FRYL: variants seen among roughly 807,000 people sequenced by gnomAD.
FRYL encodes the protein protein furry homolog-like.
In FRYL, 150 loss-of-function variants were observed where a neutral mutation model predicts 351.2. That is an observed-to-expected ratio of 0.43 (90% CI 0.37 to 0.49). FRYL has a LOEUF of 0.49. Among genes scored for constraint, FRYL ranks in the 20% least tolerant of loss-of-function variants. FRYL has a pLI of 0.00. For missense variants in FRYL, 3,036 were observed against 3,619.3 expected, an observed-to-expected ratio of 0.84 and a Z score of 4.13; for synonymous variants, 1,153 against 1,257.1, an observed-to-expected ratio of 0.92 and a Z score of 1.75.
intron 3 of FRYL, among the ~76,000 whole-genome samples, chr4:48,682,282 T>G (rs2149542773): frequency 6.6e-6 from 1 of 152,216 alleles, no homozygotes. Context: ...CTAGATGGAT[T>G]AAAGACTTAA....
Position 48,581,592 on chromosome 4 carries a change from T to C in FRYL, c.2000A>G (p.Asn667Ser), listed in dbSNP as rs1349912609. Residue 667 changes from asparagine to serine, a missense_variant, in exon 21 of 64, where the codon AAT (asparagine) becomes AGT (serine). This residue lies in a region of FRYL where 492 missense variants were observed against 551.5 expected (regional missense o/e 0.89). Transcript: ENST00000358350. ...KNQDTQHGVA[N>S]GASHPPPLER... ...CAGAGGAGGGGGATGAGAAGCTCCATTAGCTACACCATGCTTGAAAAACAG... is the reference window on the plus strand; with the variant it reads ...CAGAGGAGGGGGATGAGAAGCTCCACTAGCTACACCATGCTTGAAAAACAG... 5 of 1,606,022 alleles carry C rather than the reference T, an allele frequency of 3.1e-6. No individual in the cohort carries two copies. In the Admixed American group the frequency reaches 5.2e-5, roughly 17 times the overall value.
intron 1 of FRYL, among the ~76,000 whole-genome samples, chr4:48,778,303 T>C (rs527771161): frequency 4.0e-4 from 61 of 150,944 alleles, no homozygotes; most frequent in African/African-American, 1.4e-3. Flanking sequence ...AATTAATCGA[T>C]GAACGCTTTA....
At chr4:48,685,919 A>C (rs1377841343) in intron 2 of FRYL, among the ~76,000 whole-genome samples, 1 of 151,944 alleles carries the variant, frequency 6.6e-6, no homozygotes, top group Non-Finnish European at 1.5e-5. Flanking sequence ...ACGCCCGGCT[A>C]ATTTTTTGTA....
chr4:48,552,259 G>GTGTGTGTGTGTGTGTGTGTGTT (rs1733012801), intron 36 of FRYL, among the ~76,000 whole-genome samples: 7 of 134,272 alleles, frequency 5.2e-5, no homozygotes, highest in African/African-American at 1.7e-4. Context: ...GTGTGTGTGT[G>GTGTGTGTGTGTGTGTGTGTGTT]TGTGTGTGTG....
At chr4:48,652,567 G>T (rs1363690220) in intron 3 of FRYL, among the ~76,000 whole-genome samples, 1 of 152,036 alleles carries the variant, frequency 6.6e-6, no homozygotes, top group Non-Finnish European at 1.5e-5. Flanking sequence ...ATCTCCATAT[G>T]GAAGAATTAC....
At chr4:48,513,954 T>C (rs1007002905) in intron 56 of FRYL, among the ~76,000 whole-genome samples, 21 of 152,198 alleles carry the variant, frequency 1.4e-4, no homozygotes, top group South Asian at 2.1e-4. Context: ...TGATTAATGA[T>C]TGAGTGGTTG....
intron 46 of FRYL, 108 bp downstream of exon 46, chr4:48,540,245 A>T: frequency 7.5e-7 from 1 of 1,331,304 alleles, no homozygotes; most frequent in Non-Finnish European, 1.0e-6. Flanking sequence ...GCGTATAAAA[A>T]CTATGACTAT....
chr4:48,611,014 A>G (rs1748067168), intron 7 of FRYL, among the ~76,000 whole-genome samples: 1 of 151,830 alleles, frequency 6.6e-6, no homozygotes, highest in Admixed American at 6.6e-5. Flanking sequence ...ACTCTGAAAG[A>G]AGGAACTGCT....
At chr4:48,574,102 C>T (rs532641755) in intron 25 of FRYL, among the ~76,000 whole-genome samples, 2 of 152,022 alleles carry the variant, frequency 1.3e-5, no homozygotes, top group East Asian at 3.9e-4. Context: ...AGGGTATGAA[C>T]TTTGTAAAAA....
chr4:48,552,527 TG>T (rs1251267206), intron 36 of FRYL, among the ~76,000 whole-genome samples: 3 of 152,090 alleles, frequency 2.0e-5, no homozygotes, highest in Admixed American at 6.5e-5. Flanking sequence ...AAAACAGCAA[TG>T]TAGAGAAAAT....
chr4:48,589,795 C>G lies in FRYL; in HGVS notation c.1590G>C (p.Met530Ile), dbSNP rs1742871538. 6.2e-7 allele frequency: 1 copy of G among 1,613,810 alleles called. No individual in the cohort carries two copies. Among genetic ancestry groups the G allele is most frequent in the African/African-American group, 1.3e-5 (1 of 75,056 alleles). The part of the protein sequence containing the change: ...RHLDKEVGRP[M>I]CMTSVQMSNK... ...TAGACATCTGCACACTGGTCATACA[C>G]ATTGGTCTCCCAACTTCTTTGTCCA... is the stretch of plus-strand genomic sequence containing the variant. Residue 530 changes from methionine (M) to isoleucine (I), a missense_variant, in exon 18 of 64, where the codon ATG becomes ATC. By Grantham distance (10) the Met-to-Ile change is conservative. This residue lies in a region of FRYL where 78 missense variants were observed against 106.6 expected (regional missense o/e 0.73). Coordinates refer to ENST00000358350, the MANE Select transcript of FRYL (RefSeq NM_015030.2).
chr4:48,607,629 A>C (rs1011379787), intron 9 of FRYL, among the ~76,000 whole-genome samples: 6 of 151,788 alleles, frequency 4.0e-5, no homozygotes, highest in Non-Finnish European at 5.9e-5. Context: ...TCTCTTCCCC[A>C]CTCCCACTCA....
intron 4 of FRYL, among the ~76,000 whole-genome samples, chr4:48,630,148 C>A (rs1413215414): frequency 2.6e-5 from 4 of 151,978 alleles, no homozygotes; most frequent in Non-Finnish European, 5.9e-5. Flanking sequence ...TCTGACAAGT[C>A]CCCCAAAAAA....
chr4:48,779,300 A>T (rs982757006), intron 1 of FRYL, among the ~76,000 whole-genome samples: 4 of 152,186 alleles, frequency 2.6e-5, no homozygotes, highest in Non-Finnish European at 5.9e-5. Context: ...TGAGAGCAGC[A>T]GGCAATCTAC....
At chr4:48,680,755 C>T (rs541927871) in intron 3 of FRYL, among the ~76,000 whole-genome samples, 2 of 152,140 alleles carry the variant, frequency 1.3e-5, no homozygotes, top group South Asian at 2.1e-4. Context: ...TCCAGCTATA[C>T]TTGAAGAAAA....
rs918943502 is a variant in FRYL, at chr4:48,721,358, T to A, written c.-383-10660A>T. Among the ~76,000 whole-genome samples the A allele has an allele frequency of 3.9e-5, 6 of 151,988 alleles. 2 individuals carry two copies. The highest frequency in any genetic ancestry group is 1.5e-5 in the Non-Finnish European group (1 of 67,956). Reference sequence around the variant, plus strand: ...ACATGTGCACACTATATGTAGATTTTTTTTTTTTTTTAATGGTTGAGATTG... The same window carrying A: ...ACATGTGCACACTATATGTAGATTTATTTTTTTTTTTAATGGTTGAGATTG... On this transcript the variant is annotated intron_variant, in intron 1 of 63. Transcript: ENST00000358350.
In FRYL at chr4:48,603,394, A is replaced by G. The variant is rs1250757480; in HGVS notation, c.835-6T>C. 2.6e-6 allele frequency: 4 copies of G among 1,546,484 alleles called. No individual in the cohort carries two copies. The African/African-American group carries it at 5.5e-5, about 21-fold the overall frequency. On this transcript the variant is annotated splice_region_variant and splice_polypyrimidine_tract_variant and intron_variant, in intron 11 of 63. Coordinates refer to ENST00000358350, the MANE Select transcript of FRYL (RefSeq NM_015030.2). ...TTCACTTCATTTTTAACAGCCTAGT[A>G]AAAAGATAATGCAAACAAAGAAAAT...
chr4:48,738,494 TTTGTTGTTG>T (rs1054139550), intron 1 of FRYL, among the ~76,000 whole-genome samples: 3 of 151,864 alleles, frequency 2.0e-5, no homozygotes, highest in Non-Finnish European at 4.4e-5. Flanking sequence ...GACTCAAGCT[TTTGTTGTTG>T]TTGTTGTTTC....
Position 48,567,513 on chromosome 4 carries a change from T to C in FRYL, c.2997-93A>G. 1.7e-5 allele frequency: 15 copies of C among 902,202 alleles called. 1 individual carries two copies. The highest frequency in any genetic ancestry group is 2.4e-5 in the Non-Finnish European group (15 of 620,656). 55.9% of individuals were successfully genotyped at this position (902,202 alleles called of 1,614,324 possible). A position where few individuals can be genotyped will look rare whatever the true frequency, so the allele number is the denominator to read the frequency against. On this transcript the variant is annotated intron_variant, in intron 27 of 63. Coordinates refer to ENST00000358350, the MANE Select transcript of FRYL (RefSeq NM_015030.2). This position sits in a 1 kb window ranked among gnomAD's most constrained non-coding sequence, Gnocchi z 4.2. ...ATACTCAAAATCAGAATAATACATG[T>C]TAATTTTGCATGCTCATGGCAGCAC...
Sources: gnomAD v4.1 joint callset for allele counts (sites outside exome capture counted in the v4.1 genomes callset) on GRCh38, gnomAD v4.1.1 for gene constraint, gnomAD v4.1.1 regional missense constraint, Gnocchi (gnomAD v3.1) non-coding constraint, MANE v1.5 for transcripts, NCBI Gene and HGNC (gene_info 2026-07-23, HGNC 2026-07-21) for gene names.